The following CPNE4 variants were observed in gnomAD, a reference collection of about 807,000 sequenced individuals.
CPNE4 encodes copine 4, also known as copine-4.
Under a neutral mutation model 67.9 loss-of-function variants are expected in CPNE4, and 25 were observed. The observed-to-expected ratio is 0.37, with a 90% CI of 0.27 to 0.51. CPNE4 has a LOEUF of 0.51. Ranked by LOEUF, CPNE4 falls within the 20% of genes least tolerant of loss-of-function variation. The pLI, the probability that CPNE4 is intolerant of heterozygous loss-of-function variation, is 0.93. For synonymous variants in CPNE4, 242 were observed against 244.9 expected (o/e 0.99, Z 0.11); for missense variants, 464 against 690.8 (o/e 0.67, Z 3.68).
intron 7 of CPNE4, among the ~76,000 whole-genome samples, chr3:131,662,314 T>C (rs1464586199): frequency 6.6e-6 from 1 of 152,170 alleles, no homozygotes; most frequent in Non-Finnish European, 1.5e-5. Flanking sequence ...ACAATTTCAA[T>C]TGAAGATGGC....
intron 1 of CPNE4, among the ~76,000 whole-genome samples, chr3:131,994,444 C>G (rs2073240460): frequency 1.1e-5 from 1 of 92,520 alleles, no homozygotes; most frequent in African/African-American, 2.7e-5. Flanking sequence ...GCTGCACCAT[C>G]TGGCAGCTGC....
At chr3:131,701,717 A>C (rs1048052583) in intron 3 of CPNE4, among the ~76,000 whole-genome samples, 2 of 152,182 alleles carry the variant, frequency 1.3e-5, no homozygotes, top group Non-Finnish European at 2.9e-5. Context: ...TTGCAGCTTC[A>C]TGAGAAACCC....
At chr3:131,717,510 C>G in intron 3 of CPNE4, among the ~76,000 whole-genome samples, 1 of 152,184 alleles carries the variant, frequency 6.6e-6, no homozygotes, top group African/African-American at 2.4e-5. Flanking sequence ...TGTCACCCTC[C>G]TCTGAATTCT....
chr3:131,968,901 G>T (rs2072429602), intron 1 of CPNE4, among the ~76,000 whole-genome samples: 2 of 152,084 alleles, frequency 1.3e-5, no homozygotes, highest in Admixed American at 1.3e-4. Context: ...TAAAGAACAT[G>T]CACACATATG....
At chr3:131,966,411 C>CA (rs1396136104) in intron 1 of CPNE4, among the ~76,000 whole-genome samples, 3 of 151,840 alleles carry the variant, frequency 2.0e-5, no homozygotes, top group South Asian at 2.1e-4. Flanking sequence ...AAAATCCCTT[C>CA]AAAAAATCAA....
chr3:131,851,949 C>T (rs758472799), intron 2 of CPNE4, among the ~76,000 whole-genome samples: 12 of 151,990 alleles, frequency 7.9e-5, no homozygotes, highest in Non-Finnish European at 1.8e-4. Context: ...TTATGAATGA[C>T]CCCTCCATTC....
intron 11 of CPNE4, among the ~76,000 whole-genome samples, chr3:131,559,582 CTT>C (rs1307692575): frequency 5.3e-5 from 8 of 151,874 alleles, no homozygotes; most frequent in East Asian, 1.9e-4. Context: ...TACTTTGAAT[CTT>C]TTCATCTTAG....
intron 1 of CPNE4, among the ~76,000 whole-genome samples, chr3:132,001,798 G>C (rs2073458091): frequency 1.3e-5 from 2 of 152,030 alleles, no homozygotes; most frequent in Non-Finnish European, 2.9e-5. Context: ...CTGAATTAAG[G>C]TCAAAATCCA....
intron 2 of CPNE4, among the ~76,000 whole-genome samples, chr3:131,880,217 G>C (rs2087620297): frequency 6.6e-6 from 1 of 150,840 alleles, no homozygotes; most frequent in African/African-American, 2.4e-5. Context: ...CCGGGTTCAC[G>C]CCATTCTCCT....
intron 11 of CPNE4, among the ~76,000 whole-genome samples, chr3:131,557,204 C>T (rs924560413): frequency 1.3e-5 from 2 of 152,102 alleles, no homozygotes; most frequent in East Asian, 1.9e-4. Flanking sequence ...TTGGCAAGGA[C>T]GTGTCCTTCT....
At chr3:131,955,750 T>C (rs1205394704) in intron 1 of CPNE4, among the ~76,000 whole-genome samples, 2 of 152,182 alleles carry the variant, frequency 1.3e-5, no homozygotes, top group Non-Finnish European at 2.9e-5. Context: ...CTTAAATGTC[T>C]TTGCAACTGA....
In CPNE4 at chr3:131,861,964, T is replaced by A. The variant is rs955801876; in HGVS notation, c.180+43300A>T. 1.2e-3 allele frequency among the ~76,000 whole-genome samples: 177 copies of A among 152,304 alleles called. 3 individuals carry two copies. Among genetic ancestry groups the A allele is most frequent in the Non-Finnish European group, 1.9e-4 (13 of 68,024 alleles). On this transcript the variant is annotated intron_variant, in intron 2 of 15. Coordinates refer to ENST00000429747, the MANE Select transcript of CPNE4 (RefSeq NM_130808.3). ...CACTCTGCATACTAATGAAGCGAAG[T>A]GAGGACACCAATATTTAGACATCAT... is the stretch of plus-strand genomic sequence containing the variant.
chr3:132,003,483 C>G (rs1247483754), intron 1 of CPNE4, among the ~76,000 whole-genome samples: 1 of 151,950 alleles, frequency 6.6e-6, no homozygotes, highest in Non-Finnish European at 1.5e-5. Flanking sequence ...GATGTCCTTC[C>G]TCTCATGATT....
intron 6 of CPNE4, among the ~76,000 whole-genome samples, chr3:131,684,753 A>T (rs9289393): frequency 0.42 from 63,735 of 152,040 alleles, 13,615 homozygotes; most frequent in Non-Finnish European, 0.44. Flanking sequence ...TCAGCACAAG[A>T]ATATCACTTC....
chr3:131,761,035 T>C (rs1212349899), intron 2 of CPNE4, among the ~76,000 whole-genome samples: 5 of 152,032 alleles, frequency 3.3e-5, no homozygotes, highest in African/African-American at 1.2e-4. Flanking sequence ...CATCTTAGAG[T>C]AGAATCTTAG....
intron 11 of CPNE4, among the ~76,000 whole-genome samples, chr3:131,560,264 G>A (rs1936691825): frequency 6.6e-6 from 1 of 152,052 alleles, no homozygotes; most frequent in African/African-American, 2.4e-5. Flanking sequence ...AAGGCCCATA[G>A]AATGCAAATC....
intron 2 of CPNE4, among the ~76,000 whole-genome samples, chr3:131,846,758 T>C (rs1583315380): frequency 6.6e-6 from 1 of 152,174 alleles, no homozygotes; most frequent in African/African-American, 2.4e-5. Flanking sequence ...TATTTCCCTA[T>C]GTCTTTTACA....
At chr3:131,817,030 T>C (rs12632218) in intron 2 of CPNE4, among the ~76,000 whole-genome samples, 15,326 of 152,258 alleles carry the variant, frequency 0.1, 978 homozygotes, top group East Asian at 0.17. Context: ...GGAAGAAGTG[T>C]TTCTGCTGTT....
rs116805637 is a variant in CPNE4 at position 131,760,842 on chromosome 3, T to C, written c.181-37217A>G. On this transcript the variant is annotated intron_variant, in intron 2 of 15. Coordinates refer to ENST00000429747, the MANE Select transcript of CPNE4 (RefSeq NM_130808.3). Reference sequence around the variant, plus strand: ...TCACAAAATGAGATGACCAGTTCTATCCTTTCTCATATCTTGGGTGGTAAT... The same window carrying C: ...TCACAAAATGAGATGACCAGTTCTACCCTTTCTCATATCTTGGGTGGTAAT... 8.6e-3 allele frequency among the ~76,000 whole-genome samples: 1,304 copies of C among 152,254 alleles called. 16 individuals are homozygous for C. Among genetic ancestry groups the C allele is most frequent in the African/African-American group, 0.029 (1,207 of 41,556 alleles).
Sources: allele counts gnomAD v4.1 joint callset (sites outside exome capture counted in the v4.1 genomes callset), GRCh38; gene constraint gnomAD v4.1.1; transcripts MANE v1.5; gene names NCBI Gene and HGNC (gene_info 2026-07-23, HGNC 2026-07-21).